The following STPG4 variants were observed in gnomAD, a reference collection of about 807,000 sequenced individuals.
STPG4 encodes the protein protein STPG4.
STPG4 carries 41 observed loss-of-function variants against 31.5 expected under a neutral mutation model. The ratio of observed to expected loss-of-function variants is 1.30; its 90% CI spans 1.01 to 1.69. The LOEUF (loss-of-function observed/expected upper bound fraction) is 1.69. Among genes scored for constraint, STPG4 ranks in the 40% most tolerant of loss-of-function variants. STPG4 has a pLI of 0.00. For synonymous variants in STPG4, 141 were observed against 103.0 expected (o/e 1.37, Z -2.24); for missense variants, 375 against 293.4 (o/e 1.28, Z -2.03).
chr2:47,099,996 A>G (rs2770319), intron 5 of STPG4, among the ~76,000 whole-genome samples: 142,098 of 152,168 alleles, frequency 0.93, 66,421 homozygotes, highest in African/African-American at 0.98. Flanking sequence ...CCTGCAGCCC[A>G]CCATGCCTGA....
chr2:47,113,538 C>G (rs1001501422), intron 5 of STPG4, among the ~76,000 whole-genome samples: 3 of 152,056 alleles, frequency 2.0e-5, no homozygotes. Context: ...ATTAAAACAA[C>G]AGTCATATTA....
chr2:47,090,451 A>G, intron 5 of STPG4, 77 bp from the exon 6 acceptor site: 1 of 925,260 alleles, frequency 1.1e-6, no homozygotes, highest in Non-Finnish European at 1.7e-6. Flanking sequence ...CCTTCTACAA[A>G]TAAACATATG....
At chr2:47,101,432 C>G (rs953165672) in intron 5 of STPG4, among the ~76,000 whole-genome samples, 1 of 151,744 alleles carries the variant, frequency 6.6e-6, no homozygotes, top group Non-Finnish European at 1.5e-5. Flanking sequence ...CGAGACTCAC[C>G]CATCTATCCT....
At chr2:47,152,167 C>A (rs1253883799) in intron 2 of STPG4, among the ~76,000 whole-genome samples, 1 of 151,160 alleles carries the variant, frequency 6.6e-6, no homozygotes, top group Non-Finnish European at 1.5e-5. Flanking sequence ...AGTCTCTTGG[C>A]TAACTAGAAG....
chr2:47,131,699 G>A (rs1018055636), intron 3 of STPG4, among the ~76,000 whole-genome samples: 2 of 152,150 alleles, frequency 1.3e-5, no homozygotes, highest in African/African-American at 2.4e-5. Flanking sequence ...TTTGAGGGAG[G>A]CTTTTAAGAA....
rs1686598298 is a variant in STPG4 at position 47,136,419 on chromosome 2, A to G, written c.400-6159T>C. ...CGCTTTGGCCTCCCAAAGTGCTGGGATTACAGGCATGAGCCACCACGCCCA... is the reference window on the plus strand; with the variant it reads ...CGCTTTGGCCTCCCAAAGTGCTGGGGTTACAGGCATGAGCCACCACGCCCA... On this transcript the variant is annotated intron_variant, in intron 3 of 6. Coordinates refer to ENST00000445927, the MANE Select transcript of STPG4 (RefSeq NM_001163561.2). Among the ~76,000 whole-genome samples, 3 of 152,108 alleles carry G rather than the reference A, an allele frequency of 2.0e-5. No homozygotes were observed. In the South Asian group the frequency reaches 6.2e-4, roughly 32 times the overall value.
chr2:47,094,652 G>C (rs1685634687), intron 5 of STPG4, among the ~76,000 whole-genome samples: 1 of 152,178 alleles, frequency 6.6e-6, no homozygotes, highest in Non-Finnish European at 1.5e-5. Context: ...CTGAGCAAGA[G>C]CTGAGCTATC....
intron 1 of STPG4, among the ~76,000 whole-genome samples, chr2:47,154,872 T>C (rs1686998191): frequency 6.6e-6 from 1 of 152,124 alleles, no homozygotes; most frequent in South Asian, 2.1e-4. Flanking sequence ...CCAATCACCA[T>C]ATTAAAGCAG....
chr2:47,117,356 T>G (rs1007209645), intron 5 of STPG4, among the ~76,000 whole-genome samples: 8 of 152,166 alleles, frequency 5.3e-5, no homozygotes, highest in Non-Finnish European at 7.4e-5. Context: ...ATTAGAGGCA[T>G]GCACCACCAC....
At chr2:47,130,316 G>T in intron 3 of STPG4, 56 bp from the exon 4 acceptor site, 1 of 1,374,864 alleles carries the variant, frequency 7.3e-7, no homozygotes, top group Admixed American at 1.7e-5. Context: ...AACTCACTTC[G>T]TTATCTGTCA....
chr2:47,115,120 AT>A (rs1230083914), intron 5 of STPG4, among the ~76,000 whole-genome samples: 2 of 151,284 alleles, frequency 1.3e-5, no homozygotes, highest in Admixed American at 6.6e-5. Context: ...TTAGTGCCTC[AT>A]TTTTTTTCAC....
At chr2:47,096,157 C>A (rs1232004036) in intron 5 of STPG4, among the ~76,000 whole-genome samples, 1 of 152,196 alleles carries the variant, frequency 6.6e-6, no homozygotes, top group Admixed American at 6.5e-5. Flanking sequence ...TTCCTATGCT[C>A]ATCAGCCTCA....
At chr2:47,142,225 T>C (rs534976524) in intron 3 of STPG4, among the ~76,000 whole-genome samples, 67 of 151,934 alleles carry the variant, frequency 4.4e-4, no homozygotes, top group Non-Finnish European at 5.1e-4. Context: ...CTTTGATTCA[T>C]TCTCTAATTT....
At chr2:47,122,858 C>T (rs1686300655) in intron 5 of STPG4, among the ~76,000 whole-genome samples, 2 of 152,142 alleles carry the variant, frequency 1.3e-5, no homozygotes, top group Non-Finnish European at 2.9e-5. Context: ...CTGAGTCTCA[C>T]TCTATTGCCC....
At chr2:47,134,601 A>T (rs1291547785) in intron 3 of STPG4, among the ~76,000 whole-genome samples, 1 of 152,332 alleles carries the variant, frequency 6.6e-6, no homozygotes, top group East Asian at 1.9e-4. Flanking sequence ...TTATCCATTC[A>T]TCTACTTAGC....
At chr2:47,144,266 T>A (rs138553946) in intron 3 of STPG4, among the ~76,000 whole-genome samples, 1 of 152,224 alleles carries the variant, frequency 6.6e-6, no homozygotes, top group Non-Finnish European at 1.5e-5. Context: ...GGACAATGCA[T>A]CTCGAAAGAC....
At chr2:47,142,483 A>G (rs548255518) in intron 3 of STPG4, among the ~76,000 whole-genome samples, 1 of 152,354 alleles carries the variant, frequency 6.6e-6, no homozygotes, top group Admixed American at 6.5e-5. Context: ...ACATTTTAAG[A>G]AAGAAAACAA....
At chr2:47,090,488 C>T (rs574392410) in intron 5 of STPG4, 114 bp from the exon 6 acceptor site, 7 of 719,026 alleles carry the variant, frequency 9.7e-6, no homozygotes, top group East Asian at 2.7e-5. Context: ...TAGAAAAATC[C>T]CATATTTGGT....
At chr2:47,121,236 A>G (rs1286652021) in intron 5 of STPG4, 1 of 154,136 alleles carries the variant, frequency 6.5e-6, no homozygotes, top group African/African-American at 2.4e-5. Flanking sequence ...TCCCCTTCCC[A>G]TATCCCTACA....
Sources: gnomAD v4.1 joint callset for allele counts (sites outside exome capture counted in the v4.1 genomes callset) on GRCh38, gnomAD v4.1.1 for gene constraint, MANE v1.5 for transcripts, NCBI Gene and HGNC (gene_info 2026-07-23, HGNC 2026-07-21) for gene names.